The following RAPGEF2 variants were observed in gnomAD, a reference collection of about 807,000 sequenced individuals.
RAPGEF2 encodes Rap guanine nucleotide exchange factor 2.
A neutral mutation model predicts 186.7 loss-of-function variants in RAPGEF2; 54 were observed. The observed-to-expected ratio is 0.29, with a 90% CI of 0.23 to 0.36. The LOEUF (loss-of-function observed/expected upper bound fraction) is 0.36, where lower values mean the gene tolerates loss of function less well. RAPGEF2 is among the 10% of genes least tolerant of loss of function. The pLI, the probability that RAPGEF2 is intolerant of heterozygous loss-of-function variation, is 1.00. For missense variants in RAPGEF2, 1,532 were observed against 2,045.0 expected, an observed-to-expected ratio of 0.75 and a Z score of 4.84; for synonymous variants, 712 against 705.9, an observed-to-expected ratio of 1.01 and a Z score of -0.14.
chr4:159,335,724 A>G (rs1240209256), intron 17 of RAPGEF2, among the ~76,000 whole-genome samples: 1 of 151,472 alleles, frequency 6.6e-6, no homozygotes, highest in Non-Finnish European at 1.5e-5. Flanking sequence ...AGTCCCAGCT[A>G]CTCGGAGAGG....
At chr4:159,173,975 C>T (rs1212023647) in intron 1 of RAPGEF2, among the ~76,000 whole-genome samples, 1 of 152,114 alleles carries the variant, frequency 6.6e-6, no homozygotes, top group East Asian at 1.9e-4. Context: ...GATGGCAATT[C>T]TGGGAAGCTG....
chr4:159,104,489 CGAGAGAGAGAGAGAGAGAGAGA>C (rs553251268), intron 1 of RAPGEF2, among the ~76,000 whole-genome samples: 1 of 88,766 alleles, frequency 1.1e-5, no homozygotes, highest in African/African-American at 5.5e-5. Flanking sequence ...GTTGCCCAGC[CGAGAGAGAGAGAGAGAGAGAGA>C]GAGAGAGAGA....
intron 6 of RAPGEF2, among the ~76,000 whole-genome samples, chr4:159,243,283 A>C (rs1754232882): frequency 6.6e-6 from 1 of 151,906 alleles, no homozygotes; most frequent in Admixed American, 6.6e-5. Flanking sequence ...TAAGATTGGC[A>C]ACAACATGGT....
intron 1 of RAPGEF2, among the ~76,000 whole-genome samples, chr4:159,169,066 C>A (rs960400777): frequency 2.0e-5 from 3 of 152,170 alleles, no homozygotes; most frequent in Admixed American, 6.5e-5. Context: ...ACCTTTGTAT[C>A]CCCAAGGCAA....
chr4:159,213,364 C>G (rs1335230327), intron 4 of RAPGEF2, among the ~76,000 whole-genome samples: 1 of 152,180 alleles, frequency 6.6e-6, no homozygotes, highest in Admixed American at 6.6e-5. Context: ...ACAGATTATT[C>G]TTCACCCCAA....
intron 7 of RAPGEF2, among the ~76,000 whole-genome samples, chr4:159,303,690 C>T (rs1365406402): frequency 1.3e-5 from 2 of 151,048 alleles, no homozygotes; most frequent in African/African-American, 2.4e-5. Flanking sequence ...TGGCAGAACA[C>T]GTAAGGGATA....
chr4:159,133,383 G>A (rs1363807285), intron 1 of RAPGEF2, among the ~76,000 whole-genome samples: 2 of 150,934 alleles, frequency 1.3e-5, no homozygotes, highest in Non-Finnish European at 2.9e-5. Flanking sequence ...TAATATATAT[G>A]GTAAGATTAA....
chr4:159,343,579 G>C (rs2111276935), intron 22 of RAPGEF2, among the ~76,000 whole-genome samples, 175 bp downstream of exon 22: 1 of 152,292 alleles, frequency 6.6e-6, no homozygotes, highest in South Asian at 2.1e-4. Flanking sequence ...GTCTTATTCT[G>C]TATAAAGTGT....
intron 7 of RAPGEF2, among the ~76,000 whole-genome samples, chr4:159,266,550 T>C (rs1327698995): frequency 1.3e-5 from 2 of 152,212 alleles, no homozygotes; most frequent in African/African-American, 2.4e-5. Context: ...ATTTCAACTC[T>C]CTACCTCTGA....
intron 1 of RAPGEF2, among the ~76,000 whole-genome samples, chr4:159,161,876 T>C (rs1744745347): frequency 6.6e-6 from 1 of 152,216 alleles, no homozygotes; most frequent in East Asian, 1.9e-4. Flanking sequence ...TAACTGGTGC[T>C]TAATAGAGGA....
rs1017432359 is a variant in RAPGEF2, at chr4:159,359,752, T to C, written c.*1613T>C. On this transcript the variant is annotated 3_prime_UTR_variant, in exon 30 of 30. Coordinates refer to ENST00000691494, the MANE Select transcript of RAPGEF2 (RefSeq NM_001394067.2). ...GCTTATTACATTGTCAATTATGCAT[T>C]TGTAATTTTACATGTAATATGCATT... 1.3e-5 allele frequency: 2 copies of C among 152,236 alleles called. No individual in the cohort carries two copies. The highest frequency in any genetic ancestry group is 2.1e-4 in the South Asian group (1 of 4,830). 9.4% of individuals were successfully genotyped at this position (152,236 alleles called of 1,614,324 possible).
intron 1 of RAPGEF2, among the ~76,000 whole-genome samples, chr4:159,108,562 T>A (rs886407044): frequency 5.9e-5 from 9 of 152,124 alleles, no homozygotes; most frequent in African/African-American, 2.2e-4. Context: ...AAGAAAATAT[T>A]GTTTGCGTCA....
In RAPGEF2 at chr4:159,103,776, C is replaced by G. The variant is rs1737447173; in HGVS notation, c.-387C>G. On this transcript the variant is annotated 5_prime_UTR_variant, in exon 1 of 30. Transcript: ENST00000691494. ...TACCTCCCTAAAAATAACTCGGGCC[C>G]GCTGGGGCCAGGAGGAGCCGCCACT... is the stretch of plus-strand genomic sequence containing the variant. The G allele has an allele frequency of 6.6e-6, 1 of 152,438 alleles. No homozygotes were observed. Among genetic ancestry groups the G allele is most frequent in the South Asian group, 2.1e-4 (1 of 4,846 alleles). 9.4% of individuals were successfully genotyped at this position (152,438 alleles called of 1,614,324 possible). A position where few individuals can be genotyped will look rare whatever the true frequency, so the allele number is the denominator to read the frequency against.
chr4:159,239,764 C>T (rs1472596538), intron 5 of RAPGEF2, among the ~76,000 whole-genome samples: 1 of 152,162 alleles, frequency 6.6e-6, no homozygotes, highest in African/African-American at 2.4e-5. Context: ...CTGTCTCCAT[C>T]CAGCACCCTA....
chr4:159,109,320 C>T (rs973851601), intron 1 of RAPGEF2, among the ~76,000 whole-genome samples: 2 of 151,970 alleles, frequency 1.3e-5, no homozygotes, highest in Non-Finnish European at 2.9e-5. Context: ...AGCAAGGCCC[C>T]GTTTCTATTT....
In RAPGEF2 at chr4:159,332,440, A is replaced by G; in HGVS notation, c.1889-11A>G. ...GCCATTACGTGGTGTTTCTGTTTTC[A>G]TTTATTTTAGTATTTAAAGAACTTC... is the stretch of plus-strand genomic sequence containing the variant. On this transcript the variant is annotated splice_polypyrimidine_tract_variant and intron_variant, in intron 16 of 29. Coordinates refer to ENST00000691494, the MANE Select transcript of RAPGEF2 (RefSeq NM_001394067.2). 1.2e-6 allele frequency: 2 copies of G among 1,605,132 alleles called. No homozygotes were observed. The highest frequency in any genetic ancestry group is 1.7e-6 in the Non-Finnish European group (2 of 1,175,714).
At chr4:159,143,767 A>G (rs1289343525) in intron 1 of RAPGEF2, among the ~76,000 whole-genome samples, 1 of 152,172 alleles carries the variant, frequency 6.6e-6, no homozygotes, top group African/African-American at 2.4e-5. Context: ...TTTTGAGGAA[A>G]AATGTTTTCT....
intron 7 of RAPGEF2, among the ~76,000 whole-genome samples, chr4:159,247,840 G>A (rs1268237536): frequency 3.1e-5 from 4 of 127,252 alleles, no homozygotes; most frequent in Non-Finnish European, 4.7e-5. Flanking sequence ...CTGGCTCACC[G>A]CAACTTCTGC....
Position 159,352,823 on chromosome 4 carries a change from G to T in RAPGEF2, c.4004G>T (p.Arg1335Met). The T allele has an allele frequency of 6.2e-7, 1 of 1,614,222 alleles. No individual in the cohort carries two copies. The change falls in exon 27 of 30, where the codon AGG becomes ATG. Residue 1335 changes from arginine to methionine, a missense_variant. Around this residue, in one of 4 missense-constraint regions of RAPGEF2, gnomAD observed 594 missense variants for 608.5 expected, o/e 0.98. Coordinates refer to ENST00000691494, the MANE Select transcript of RAPGEF2 (RefSeq NM_001394067.2). ...TCACTGCACGATGAGAGGCGCCAGA[G>T]GCATTCTGTCAGCATCGTGGAAACA... ...PVSLHDERRQ[R>M]HSVSIVETNL...
Sources: gnomAD v4.1 joint callset for allele counts (sites outside exome capture counted in the v4.1 genomes callset) on GRCh38, gnomAD v4.1.1 for gene constraint, gnomAD v4.1.1 regional missense constraint, MANE v1.5 for transcripts, NCBI Gene and HGNC (gene_info 2026-07-23, HGNC 2026-07-21) for gene names.